The following RBM10 variants were observed in gnomAD, a reference collection of about 807,000 sequenced individuals.
RBM10 encodes RNA binding motif protein 10.
Under a neutral mutation model 84.9 loss-of-function variants are expected in RBM10, and 1 was observed. The ratio of observed to expected loss-of-function variants is 0.01; its 90% confidence interval spans 0.00 to 0.06. The LOEUF (loss-of-function observed/expected upper bound fraction) is 0.06, where lower values mean the gene tolerates loss of function less well. RBM10 is among the 10% of genes least tolerant of loss of function. RBM10 has a pLI of 1.00. For synonymous variants in RBM10, 326 were observed against 344.5 expected, an observed-to-expected ratio of 0.95 and a Z score of 0.60; for missense variants, 438 against 839.0, an observed-to-expected ratio of 0.52 and a Z score of 5.90.
chrX:47,176,796 C>T (rs1159082962), intron 7 of RBM10, among the ~76,000 whole-genome samples: 1 of 109,666 alleles, frequency 9.1e-6, no homozygotes, highest in East Asian at 2.8e-4. Flanking sequence ...CCTAGCCAGC[C>T]ATATACAAAT....
chrX:47,180,557 A>T, intron 12 of RBM10, 51 bp downstream of exon 12: 1 of 1,186,587 alleles, frequency 8.4e-7, no homozygotes, highest in Non-Finnish European at 1.1e-6. Context: ...GGCTTTCTCA[A>T]CCCTCCTGCA....
intron 3 of RBM10, among the ~76,000 whole-genome samples, chrX:47,169,826 G>A (rs782405534): frequency 1.8e-5 from 2 of 112,284 alleles, no homozygotes; most frequent in African/African-American, 3.2e-5. Context: ...TTGGGCACTT[G>A]AAGAGCCTCT....
chrX:47,182,334 C>T lies in RBM10; in HGVS notation c.1950+8C>T, dbSNP rs1556780325. On this transcript the variant is annotated splice_region_variant and intron_variant, in intron 17 of 23. Coordinates refer to ENST00000377604, the MANE Select transcript of RBM10 (RefSeq NM_005676.5). ...ACCAAGACAGCTCAACAGGTGAACA[C>T]CAGGGTCCAGCAGTCACTGGCTGGC... 1 of 1,199,115 alleles carries T rather than the reference C, an allele frequency of 8.3e-7. No homozygotes were observed. Among genetic ancestry groups the T allele is most frequent in the Non-Finnish European group, 1.1e-6 (1 of 888,597 alleles).
rs782000217 is a variant in RBM10 at position 47,177,440 on chromosome X, T to G, written c.663+854T>G. On this transcript the variant is annotated intron_variant, in intron 7 of 23. Coordinates refer to ENST00000377604, the MANE Select transcript of RBM10 (RefSeq NM_005676.5). ...GGGCCAGCATTGTGATTCCACAGTT[T>G]GTAGAGGCCCCAACCCTCTCCCCAG... 3.4e-4 allele frequency among the ~76,000 whole-genome samples: 38 copies of G among 111,718 alleles called. 1 individual carries two copies. The Admixed American group carries it at 3.5e-3, about 10-fold the overall frequency.
At position 47,180,051 on chromosome X, in the gene RBM10, C is replaced by A. The variant is rs782436693; in HGVS notation, c.1062+11C>A. The A allele has an allele frequency of 8.3e-7, 1 of 1,211,062 alleles. No homozygotes were observed. Among genetic ancestry groups the A allele is most frequent in the Non-Finnish European group, 1.1e-6 (1 of 895,159 alleles). On this transcript the variant is annotated intron_variant, in intron 10 of 23. Transcript: ENST00000377604. ...CTCTCCACCATCGTGGTGAGGGCGGCACAGTTGGGGGCCGGGCAGCCAGGG... is the reference window on the plus strand; with the variant it reads ...CTCTCCACCATCGTGGTGAGGGCGGAACAGTTGGGGGCCGGGCAGCCAGGG...
rs368193449 is a variant in RBM10 at position 47,169,396 on chromosome X, C to T, written c.99C>T (p.Asp33=). 47 of 1,210,368 alleles carry T rather than the reference C, an allele frequency of 3.9e-5. No homozygotes were observed. Among genetic ancestry groups the T allele is most frequent in the Admixed American group, 2.2e-5 (1 of 45,874 alleles). Residue 33 remains aspartate, a synonymous_variant, in exon 3 of 24, where the codon GAC becomes GAT. Transcript: ENST00000377604. ...ATGGTGGGGAGAACCGCAGCCGAGA[C>T]CACGACTACCGGGACATGGACTACC... ...QDDGGENRSR[D]HDYRDMDYRS...
intron 2 of RBM10, among the ~76,000 whole-genome samples, chrX:47,148,392 G>A (rs1932475816): frequency 9.0e-6 from 1 of 111,671 alleles, no homozygotes. Context: ...TACATACTTT[G>A]TTCAAACTTT....
At chrX:47,174,367 C>T (rs1934952570) in intron 5 of RBM10, among the ~76,000 whole-genome samples, 1 of 111,727 alleles carries the variant, frequency 9.0e-6, no homozygotes, top group African/African-American at 3.3e-5. Flanking sequence ...GTAGTCTCCA[C>T]CCTGTGGCCC....
intron 6 of RBM10, among the ~76,000 whole-genome samples, chrX:47,175,315 C>T (rs1457893045): frequency 9.2e-6 from 1 of 108,695 alleles, no homozygotes; most frequent in Non-Finnish European, 1.9e-5. Context: ...TGGCCCCTTC[C>T]TACCACCAGG....
chrX:47,150,651 C>T (rs1414668518), intron 2 of RBM10, among the ~76,000 whole-genome samples: 7 of 111,895 alleles, frequency 6.3e-5, no homozygotes, highest in African/African-American at 2.3e-4. Context: ...TTCAGGTTCC[C>T]TCATGTACAT....
In RBM10 at chrX:47,180,497, C is replaced by T. The variant is rs1935451562; in HGVS notation, c.1239C>T (p.Ala413=). Residue 413 remains alanine, a synonymous_variant, in exon 12 of 24, where the codon GCC becomes GCT. Transcript: ENST00000377604. ...ASTAIAAAQW[A]ISQASQGGEG... ...CTGCCATTGCTGCGGCCCAGTGGGCCATCTCACAGGTACTCAGACCCCTTG... is the reference window on the plus strand; with the variant it reads ...CTGCCATTGCTGCGGCCCAGTGGGCTATCTCACAGGTACTCAGACCCCTTG... The T allele has an allele frequency of 8.3e-7, 1 of 1,210,797 alleles. No individual in the cohort carries two copies. The highest frequency in any genetic ancestry group is 3.0e-5 in the East Asian group (1 of 33,821).
intron 2 of RBM10, among the ~76,000 whole-genome samples, chrX:47,155,024 G>A (rs1932977514): frequency 9.4e-6 from 1 of 106,811 alleles, no homozygotes; most frequent in Admixed American, 1.0e-4. Context: ...GCAGGCACCT[G>A]TAATCCCAGC....
rs1180830922 is a variant in RBM10 at position 47,179,983 on chromosome X, G to A, written c.1005G>A (p.Lys335=). ...CCTCCTCCAACGTGCGCGTCATAAA[G>A]GACAAGCAGACCCAACTGAACCGCG... ...VLSSSNVRVI[K]DKQTQLNRGF... Residue 335 remains lysine (K), a synonymous_variant, in exon 10 of 24, where the codon AAG becomes AAA. Transcript: ENST00000377604. 4 of 1,210,082 alleles carry A rather than the reference G, an allele frequency of 3.3e-6. No homozygotes were observed. Among genetic ancestry groups the A allele is most frequent in the Non-Finnish European group, 3.4e-6 (3 of 895,096 alleles).
At chrX:47,173,402 G>A (rs1476386358) in intron 5 of RBM10, among the ~76,000 whole-genome samples, 1 of 112,038 alleles carries the variant, frequency 8.9e-6, no homozygotes, top group African/African-American at 3.2e-5. Flanking sequence ...TGGGGCTGTC[G>A]GGGCAGGGGT....
chrX:47,165,197 T>A (rs1203005868), intron 2 of RBM10, among the ~76,000 whole-genome samples: 2 of 111,893 alleles, frequency 1.8e-5, no homozygotes, highest in African/African-American at 6.5e-5. Context: ...ATTGTCAGTA[T>A]ACTTAATGCC....
chrX:47,172,235 C>T (rs1235707698), intron 4 of RBM10, among the ~76,000 whole-genome samples: 1 of 112,411 alleles, frequency 8.9e-6, no homozygotes, highest in African/African-American at 3.2e-5. Flanking sequence ...AGTCTGAACC[C>T]GGGCAGCTGG....
Position 47,185,603 on chromosome X carries a change from G to C in RBM10, c.2328G>C (p.Arg776=), listed in dbSNP as rs782568303. The stretch of plus-strand genomic sequence containing the variant: ...TCCCCAGCAAAGAGGCGCTCATCCG[G>C]CACCAGCAGCTCTCAGGGCTCCACA... The part of the protein sequence containing the change: ...RQFPSKEALI[R]HQQLSGLHKQ... Residue 776 remains arginine (R), a synonymous_variant, in exon 20 of 24, where the codon CGG becomes CGC. Coordinates refer to ENST00000377604, the MANE Select transcript of RBM10 (RefSeq NM_005676.5). The C allele has an allele frequency of 2.5e-6, 3 of 1,206,325 alleles. No individual in the cohort carries two copies. The highest frequency in any genetic ancestry group is 2.2e-5 in the Admixed American group (1 of 45,405).
At chrX:47,162,243 T>A (rs1433205481) in intron 2 of RBM10, among the ~76,000 whole-genome samples, 3 of 112,243 alleles carry the variant, frequency 2.7e-5, no homozygotes, top group African/African-American at 9.7e-5. Flanking sequence ...TCAAAGGGTA[T>A]ATAGATTTTT....
chrX:47,185,876 C>T (rs940892785), intron 21 of RBM10, 86 bp downstream of exon 21: 88 of 1,178,303 alleles, frequency 7.5e-5, no homozygotes, highest in Admixed American at 3.5e-4. Flanking sequence ...CAATTTCTCA[C>T]GTGTTAACCC....
Sources: allele counts gnomAD v4.1 joint callset (sites outside exome capture counted in the v4.1 genomes callset), GRCh38; gene constraint gnomAD v4.1.1; transcripts MANE v1.5; gene names NCBI Gene and HGNC (gene_info 2026-07-23, HGNC 2026-07-21).